LEKR1: variants seen among roughly 807,000 people sequenced by gnomAD.
LEKR1 encodes the protein protein LEKR1.
A neutral mutation model predicts 72.4 loss-of-function variants in LEKR1; 59 were observed. The observed-to-expected ratio is 0.82, with a 90% CI of 0.66 to 1.01. LEKR1 has a LOEUF of 1.01. Ranked by LOEUF, LEKR1 falls within the 50% of genes least tolerant of loss-of-function variation. LEKR1 has a pLI of 0.00. For missense variants in LEKR1, 728 were observed against 759.2 expected (o/e 0.96, Z 0.48); for synonymous variants, 257 against 263.2 (o/e 0.98, Z 0.23).
intron 2 of LEKR1, among the ~76,000 whole-genome samples, chr3:156,847,362 C>T (rs1271579460): frequency 1.3e-5 from 2 of 152,130 alleles, no homozygotes; most frequent in East Asian, 3.9e-4. Flanking sequence ...TTGTTAATGT[C>T]TCCTCCAAAG....
At chr3:156,830,281 A>T (rs1412500564) in intron 2 of LEKR1, among the ~76,000 whole-genome samples, 4 of 152,222 alleles carry the variant, frequency 2.6e-5, no homozygotes, top group Non-Finnish European at 5.9e-5. Flanking sequence ...AGTGATCTTG[A>T]AGTTCTTGTG....
chr3:156,945,542 G>T (rs2107971197), intron 6 of LEKR1, among the ~76,000 whole-genome samples: 1 of 151,870 alleles, frequency 6.6e-6, no homozygotes, highest in Non-Finnish European at 1.5e-5. Context: ...ATGTCCTGGA[G>T]GGTTTCCCTA....
At chr3:156,855,962 C>T (rs1440353740) in intron 3 of LEKR1, among the ~76,000 whole-genome samples, 1 of 151,742 alleles carries the variant, frequency 6.6e-6, no homozygotes, top group African/African-American at 2.4e-5. Flanking sequence ...AGGGGGGAAC[C>T]TTGATTGATA....
At chr3:156,827,619 T>C (rs1462678069) in intron 1 of LEKR1, among the ~76,000 whole-genome samples, 1 of 152,240 alleles carries the variant, frequency 6.6e-6, no homozygotes, top group Non-Finnish European at 1.5e-5. Flanking sequence ...GTGATGTGCA[T>C]CAAAGTCTAG....
intron 2 of LEKR1, among the ~76,000 whole-genome samples, chr3:156,844,510 A>T (rs1052049101): frequency 6.6e-6 from 1 of 152,050 alleles, no homozygotes; most frequent in Non-Finnish European, 1.5e-5. Flanking sequence ...CATTCACCTT[A>T]ACTTCCCCAA....
intron 11 of LEKR1, among the ~76,000 whole-genome samples, chr3:157,025,661 T>C (rs953977072): frequency 1.3e-5 from 2 of 152,214 alleles, no homozygotes; most frequent in African/African-American, 2.4e-5. Context: ...ACCAGTGCAA[T>C]AGCACATGGT....
At chr3:157,018,181 G>A (rs1212490676) in intron 10 of LEKR1, among the ~76,000 whole-genome samples, 3 of 152,122 alleles carry the variant, frequency 2.0e-5, no homozygotes, top group Non-Finnish European at 2.9e-5. Context: ...ACTGTGAGAA[G>A]TAAATTCACT....
chr3:156,940,935 G>C lies in LEKR1; in HGVS notation c.560-1594G>C, dbSNP rs529413422. On this transcript the variant is annotated intron_variant, in intron 5 of 12. Coordinates refer to ENST00000356539, the MANE Select transcript of LEKR1 (RefSeq NM_001004316.3). Reference sequence around the variant, plus strand: ...TTAAACATAGATATCGTTTTGGTATGTTATAGTTTATTCAGCCTTAAGAAG... The same window carrying C: ...TTAAACATAGATATCGTTTTGGTATCTTATAGTTTATTCAGCCTTAAGAAG... 4.6e-5 allele frequency among the ~76,000 whole-genome samples: 7 copies of C among 152,142 alleles called. No individual in the cohort carries two copies. In the East Asian group the frequency reaches 1.4e-3, roughly 29 times the overall value.
chr3:157,027,624 A>T lies in LEKR1; in HGVS notation c.1369-479A>T, dbSNP rs370189852. ...TGAGCCCAGGAGTTTAAGACCAGCCATGGTAACACAGAGAGACACCATCTC... is the reference window on the plus strand; with the variant it reads ...TGAGCCCAGGAGTTTAAGACCAGCCTTGGTAACACAGAGAGACACCATCTC... On this transcript the variant is annotated intron_variant, in intron 11 of 12. Coordinates refer to ENST00000356539, the MANE Select transcript of LEKR1 (RefSeq NM_001004316.3). 1.6e-4 allele frequency among the ~76,000 whole-genome samples: 24 copies of T among 152,132 alleles called. No individual in the cohort carries two copies. The South Asian group carries it at 3.9e-3, about 25-fold the overall frequency.
At chr3:156,980,202 A>C (rs1425079620) in intron 7 of LEKR1, among the ~76,000 whole-genome samples, 1 of 152,182 alleles carries the variant, frequency 6.6e-6, no homozygotes, top group Non-Finnish European at 1.5e-5. Flanking sequence ...ACCTCATAAA[A>C]ACATAAATAT....
chr3:156,840,493 C>A (rs1195585070), intron 2 of LEKR1, among the ~76,000 whole-genome samples: 1 of 152,202 alleles, frequency 6.6e-6, no homozygotes, highest in African/African-American at 2.4e-5. Flanking sequence ...GTTATAACCT[C>A]AAACTTTATC....
intron 10 of LEKR1, among the ~76,000 whole-genome samples, chr3:157,020,730 A>G (rs1333550310): frequency 2.0e-5 from 3 of 152,072 alleles, no homozygotes; most frequent in Non-Finnish European, 4.4e-5. Flanking sequence ...ATAATGCCGC[A>G]GTAAACATAC....
intron 5 of LEKR1, among the ~76,000 whole-genome samples, chr3:156,941,007 T>C (rs1304415012): frequency 2.0e-5 from 3 of 152,092 alleles, no homozygotes; most frequent in Non-Finnish European, 4.4e-5. Flanking sequence ...TTTAGGTACG[T>C]AGGGAAACTG....
intron 12 of LEKR1, among the ~76,000 whole-genome samples, chr3:157,042,707 G>A (rs1329189946): frequency 2.0e-5 from 3 of 152,118 alleles, no homozygotes; most frequent in South Asian, 4.1e-4. Context: ...AAGAGCTCTT[G>A]TCATCACATC....
intron 9 of LEKR1, among the ~76,000 whole-genome samples, chr3:157,001,864 A>G (rs1320522754): frequency 6.6e-6 from 1 of 152,194 alleles, no homozygotes; most frequent in Non-Finnish European, 1.5e-5. Context: ...AAGAACCACT[A>G]TATCCCCAGA....
intron 2 of LEKR1, among the ~76,000 whole-genome samples, chr3:156,838,918 G>A (rs1713524005): frequency 6.6e-6 from 1 of 152,120 alleles, no homozygotes; most frequent in African/African-American, 2.4e-5. Context: ...AGTAGAGAAA[G>A]AGTTTAATGG....
At chr3:156,985,313 G>T (rs1436141355) in intron 7 of LEKR1, among the ~76,000 whole-genome samples, 1 of 152,162 alleles carries the variant, frequency 6.6e-6, no homozygotes. Flanking sequence ...CTGAGTAGAT[G>T]ATCTTTAAGT....
At chr3:156,960,395 C>T (rs1193886578) in intron 6 of LEKR1, among the ~76,000 whole-genome samples, 4 of 152,108 alleles carry the variant, frequency 2.6e-5, no homozygotes, top group Non-Finnish European at 4.4e-5. Context: ...AAGTGATTCT[C>T]GTGCCTCAGC....
chr3:157,030,084 T>G (rs1445479734), intron 12 of LEKR1, among the ~76,000 whole-genome samples: 1 of 152,124 alleles, frequency 6.6e-6, no homozygotes, highest in Non-Finnish European at 1.5e-5. Context: ...GCGAGGACCT[T>G]AGGAAGCTTA....
Sources: allele counts gnomAD v4.1 joint callset (sites outside exome capture counted in the v4.1 genomes callset), GRCh38; gene constraint gnomAD v4.1.1; transcripts MANE v1.5; gene names NCBI Gene and HGNC (gene_info 2026-07-23, HGNC 2026-07-21).